CDH8: variants seen among roughly 807,000 people sequenced by gnomAD.
The protein encoded by CDH8 is cadherin 8, also known as cadherin-8.
In CDH8, 17 loss-of-function variants were observed where a neutral mutation model predicts 68.1. That is an observed-to-expected ratio of 0.25 (90% confidence interval 0.17 to 0.37). CDH8 has a LOEUF of 0.37. Among genes scored for constraint, CDH8 ranks in the 10% least tolerant of loss-of-function variants. The pLI is 1.00. For synonymous variants in CDH8, 372 were observed against 365.1 expected, an observed-to-expected ratio of 1.02 and a Z score of -0.21; for missense variants, 763 against 999.3, an observed-to-expected ratio of 0.76 and a Z score of 3.19.
chr16:61,869,997 C>A (rs1963326926), intron 3 of CDH8, among the ~76,000 whole-genome samples: 1 of 152,164 alleles, frequency 6.6e-6, no homozygotes, highest in South Asian at 2.1e-4. Flanking sequence ...TTCTTTTTAA[C>A]ATTTGTACTA....
At chr16:61,694,269 A>G (rs2142836435) in intron 10 of CDH8, among the ~76,000 whole-genome samples, 1 of 152,340 alleles carries the variant, frequency 6.6e-6, no homozygotes, top group Middle Eastern at 3.4e-3. Context: ...GTGCTTTTCT[A>G]GAAGGAAAGT....
rs530489686 is a variant in CDH8 at position 61,716,810 on chromosome 16, T to C, written c.1537-2852A>G. On this transcript the variant is annotated intron_variant, in intron 9 of 11. Coordinates refer to ENST00000577390, the MANE Select transcript of CDH8 (RefSeq NM_001796.5). ...CCTGCTTTGGCATTTTATCTAAAAG[T>C]AGATGCCAAGTAGGTCACTTGAAGG... Among the ~76,000 whole-genome samples the C allele has an allele frequency of 2.6e-5, 4 of 151,890 alleles. No individual in the cohort carries two copies. The South Asian group carries it at 6.2e-4, about 24-fold the overall frequency.
intron 4 of CDH8, among the ~76,000 whole-genome samples, chr16:61,848,695 G>T (rs1962872669): frequency 6.6e-6 from 1 of 151,824 alleles, no homozygotes; most frequent in African/African-American, 2.4e-5. Context: ...ATTTGTTGGG[G>T]GTATACATCT....
chr16:61,777,363 C>A (rs1471760533), intron 8 of CDH8, among the ~76,000 whole-genome samples: 2 of 152,106 alleles, frequency 1.3e-5, no homozygotes, highest in African/African-American at 4.8e-5. Context: ...ATGTTTTCTG[C>A]TTACCTTCTT....
chr16:61,909,405 A>C (rs72798789), intron 2 of CDH8, among the ~76,000 whole-genome samples: 3,069 of 152,260 alleles, frequency 0.02, 50 homozygotes, highest in South Asian at 0.046. Context: ...TATACCAAAC[A>C]ACCAGCATGG....
At chr16:61,781,756 C>A (rs1455125917) in intron 8 of CDH8, among the ~76,000 whole-genome samples, 1 of 152,096 alleles carries the variant, frequency 6.6e-6, no homozygotes, top group Non-Finnish European at 1.5e-5. Flanking sequence ...TTCTGAGAGG[C>A]TTAAGGTGAT....
intron 2 of CDH8, among the ~76,000 whole-genome samples, chr16:61,962,988 C>A (rs2150572555): frequency 6.6e-6 from 1 of 152,152 alleles, no homozygotes; most frequent in South Asian, 2.1e-4. Flanking sequence ...TTTTTAATGA[C>A]TATGCACCAT....
At chr16:61,866,368 A>C (rs891068685) in intron 3 of CDH8, among the ~76,000 whole-genome samples, 4 of 152,208 alleles carry the variant, frequency 2.6e-5, no homozygotes, top group Admixed American at 2.6e-4. Flanking sequence ...CAAGAGAGCT[A>C]GACTTTCTCT....
intron 4 of CDH8, among the ~76,000 whole-genome samples, chr16:61,845,415 G>A (rs1215058548): frequency 6.6e-6 from 1 of 150,466 alleles, no homozygotes; most frequent in Non-Finnish European, 1.5e-5. Context: ...TTAATGGAAT[G>A]GAAGGAAAGT....
At chr16:61,957,893 C>A (rs1965013164) in intron 2 of CDH8, among the ~76,000 whole-genome samples, 1 of 152,136 alleles carries the variant, frequency 6.6e-6, no homozygotes, top group Non-Finnish European at 1.5e-5. Flanking sequence ...ATTCCAAGAA[C>A]CTAGTGCAGG....
At chr16:61,913,412 G>A (rs894832769) in intron 2 of CDH8, among the ~76,000 whole-genome samples, 2 of 152,084 alleles carry the variant, frequency 1.3e-5, no homozygotes, top group African/African-American at 4.8e-5. Flanking sequence ...TAGGTTATAT[G>A]CAAATCCTAT....
At chr16:61,897,660 C>T (rs1294559022) in intron 3 of CDH8, among the ~76,000 whole-genome samples, 1 of 152,112 alleles carries the variant, frequency 6.6e-6, no homozygotes, top group Non-Finnish European at 1.5e-5. Flanking sequence ...ATAACAGCTT[C>T]TCTGTTCAAT....
intron 10 of CDH8, among the ~76,000 whole-genome samples, chr16:61,689,190 C>T (rs1964168410): frequency 6.6e-6 from 1 of 151,942 alleles, no homozygotes; most frequent in Non-Finnish European, 1.5e-5. Context: ...CTCTGTTACA[C>T]AAAACAAGAT....
intron 10 of CDH8, among the ~76,000 whole-genome samples, chr16:61,664,250 A>G (rs1471825199): frequency 2.0e-5 from 3 of 152,058 alleles, no homozygotes; most frequent in Admixed American, 6.6e-5. Flanking sequence ...ATCTCCAGAT[A>G]AATGAGTTAC....
intron 10 of CDH8, among the ~76,000 whole-genome samples, chr16:61,690,716 T>C (rs1369929754): frequency 6.6e-6 from 1 of 151,994 alleles, no homozygotes; most frequent in Non-Finnish European, 1.5e-5. Context: ...ATATGTTGGC[T>C]CCAAGAGCAT....
intron 2 of CDH8, among the ~76,000 whole-genome samples, chr16:61,952,262 CATTA>C (rs1019071960): frequency 1.3e-5 from 2 of 152,156 alleles, no homozygotes; most frequent in African/African-American, 4.8e-5. Flanking sequence ...GAACTCCATT[CATTA>C]ATTAATTCAA....
At chr16:61,903,942 T>C (rs1597054450) in intron 2 of CDH8, among the ~76,000 whole-genome samples, 1 of 136,870 alleles carries the variant, frequency 7.3e-6, no homozygotes, top group African/African-American at 3.0e-5. Flanking sequence ...CTTTTAAATA[T>C]ACAGCACTTT....
chr16:61,921,770 G>A (rs957524064), intron 2 of CDH8, among the ~76,000 whole-genome samples: 1 of 152,290 alleles, frequency 6.6e-6, no homozygotes, highest in East Asian at 1.9e-4. Context: ...CATGGCTCAC[G>A]CCTTTAATTC....
In CDH8 at chr16:61,647,662, T is replaced by A; in HGVS notation, c.*5946A>T. The A allele has an allele frequency of 1.6e-6, 1 of 613,846 alleles. No homozygotes were observed. Among genetic ancestry groups the A allele is most frequent in the Non-Finnish European group, 2.9e-6 (1 of 345,702 alleles). 38.0% of individuals were successfully genotyped at this position (613,846 alleles called of 1,614,324 possible). On this transcript the variant is annotated 3_prime_UTR_variant, in exon 12 of 12. Coordinates refer to ENST00000577390, the MANE Select transcript of CDH8 (RefSeq NM_001796.5). ...ACTCCTAAATTGTCATGGTCCATCT[T>A]AGAGCATAATTGTTAAAATTTTCCT...
Sources: gnomAD v4.1 joint callset for allele counts (sites outside exome capture counted in the v4.1 genomes callset) on GRCh38, gnomAD v4.1.1 for gene constraint, MANE v1.5 for transcripts, NCBI Gene and HGNC (gene_info 2026-07-23, HGNC 2026-07-21) for gene names.